Variants in SULT2B1 observed in about 807,000 individuals in gnomAD.
SULT2B1 encodes sulfotransferase family 2B member 1, also known as sulfotransferase 2B1.
SULT2B1 carries 16 observed loss-of-function variants against 33.2 expected under a neutral mutation model. That is an observed-to-expected ratio of 0.48 (90% CI 0.33 to 0.73). SULT2B1 has a LOEUF of 0.73. Among genes scored for constraint, SULT2B1 ranks in the 30% least tolerant of loss-of-function variants. SULT2B1 has a pLI of 0.02. For missense variants in SULT2B1, 500 were observed against 506.0 expected, an observed-to-expected ratio of 0.99 and a Z score of 0.11; for synonymous variants, 186 against 200.5, an observed-to-expected ratio of 0.93 and a Z score of 0.61.
chr19:48,563,608 CT>C (rs1309844131), intron 1 of SULT2B1, among the ~76,000 whole-genome samples: 2 of 152,038 alleles, frequency 1.3e-5, no homozygotes, highest in Admixed American at 6.6e-5. Flanking sequence ...CTGATGCAAT[CT>C]GTACGGTGGG....
intron 2 of SULT2B1, among the ~76,000 whole-genome samples, chr19:48,583,255 C>T (rs1314912575): frequency 6.6e-6 from 1 of 152,036 alleles, no homozygotes; most frequent in Non-Finnish European, 1.5e-5. Flanking sequence ...TAGAATGGTA[C>T]AGCTGCTATG....
chr19:48,555,549 C>CCT (rs142655043), intron 1 of SULT2B1, among the ~76,000 whole-genome samples: 17,405 of 123,870 alleles, frequency 0.14, 1,350 homozygotes, highest in African/African-American at 0.17. Context: ...CCAGAGACAT[C>CCT]CTCTCTCTCT....
chr19:48,569,362 ACATAT>A (rs1471084894), intron 1 of SULT2B1, among the ~76,000 whole-genome samples: 282 of 130,128 alleles, frequency 2.2e-3, no homozygotes, highest in South Asian at 6.6e-3. Context: ...AAAAAAAAAA[ACATAT>A]ATATATATAT....
intron 1 of SULT2B1, among the ~76,000 whole-genome samples, chr19:48,568,926 C>T (rs968453055): frequency 2.0e-5 from 3 of 152,206 alleles, no homozygotes; most frequent in African/African-American, 2.4e-5. Context: ...CCCCACACAC[C>T]GCTCCCTCTC....
intron 2 of SULT2B1, among the ~76,000 whole-genome samples, chr19:48,578,080 G>A (rs947497321): frequency 1.3e-5 from 2 of 152,126 alleles, no homozygotes; most frequent in South Asian, 2.1e-4. Context: ...AGGCGTGGTG[G>A]TGTGCGCCTG....
At chr19:48,585,624 G>A (rs1010247885) in intron 2 of SULT2B1, among the ~76,000 whole-genome samples, 8 of 150,590 alleles carry the variant, frequency 5.3e-5, no homozygotes, top group Non-Finnish European at 8.9e-5. Context: ...AGCCAAGATC[G>A]CGCCATTGCA....
At chr19:48,575,013 C>G (rs1479370675) in intron 1 of SULT2B1, among the ~76,000 whole-genome samples, 5 of 151,896 alleles carry the variant, frequency 3.3e-5, no homozygotes, top group African/African-American at 1.2e-4. Context: ...CATAAGGCCC[C>G]GTGGTGCCTG....
chr19:48,577,028 A>ATTTTTTTTTTTTTTTTTTTTTTT (rs71179012), intron 2 of SULT2B1, among the ~76,000 whole-genome samples: 1 of 92,954 alleles, frequency 1.1e-5, no homozygotes, highest in African/African-American at 4.7e-5. Flanking sequence ...ACCCCCCTCT[A>ATTTTTTTTTTTTTTTTTTTTTTT]TTTTTTTTTT....
chr19:48,584,748 T>C (rs1973540648), intron 2 of SULT2B1, among the ~76,000 whole-genome samples: 1 of 150,192 alleles, frequency 6.7e-6, no homozygotes, highest in Non-Finnish European at 1.5e-5. Context: ...CTACAAAAAT[T>C]TTAAAAATTA....
chr19:48,558,639 T>G (rs960400583), intron 1 of SULT2B1, among the ~76,000 whole-genome samples: 1 of 151,656 alleles, frequency 6.6e-6, no homozygotes, highest in East Asian at 1.9e-4. Context: ...GCCAAAGCCC[T>G]GCCAGTCATG....
intron 1 of SULT2B1, among the ~76,000 whole-genome samples, chr19:48,573,317 T>A (rs927151610): frequency 6.6e-6 from 1 of 152,054 alleles, no homozygotes; most frequent in Admixed American, 6.6e-5. Context: ...GCTGGCTTAA[T>A]TGTCCCTTTC....
rs1469256171 is a variant in SULT2B1, at chr19:48,587,121, T to A, written c.215-108T>A. 16 of 730,834 alleles carry A rather than the reference T, an allele frequency of 2.2e-5. No individual in the cohort carries two copies. In the East Asian group the frequency reaches 3.1e-4, roughly 14 times the overall value. The allele number at this position is 730,834 out of a possible 1,614,324, so 45.3% of individuals were successfully genotyped here. On this transcript the variant is annotated intron_variant, in intron 2 of 6. Transcript: ENST00000201586. ...AGTAAGACTCTGTCTTAAAAAAAAA[T>A]AATAAAAGGTGGCAAATTGCTCAAT...
intron 1 of SULT2B1, among the ~76,000 whole-genome samples, chr19:48,565,264 A>G (rs1973229987): frequency 6.6e-6 from 1 of 151,890 alleles, no homozygotes; most frequent in Non-Finnish European, 1.5e-5. Context: ...TAAGTTACAG[A>G]CATCTGAATG....
chr19:48,590,060 ACCTCTGCC>A (rs1389645263), intron 3 of SULT2B1, among the ~76,000 whole-genome samples: 1 of 151,836 alleles, frequency 6.6e-6, no homozygotes, highest in Non-Finnish European at 1.5e-5. Flanking sequence ...GCTCACTGCA[ACCTCTGCC>A]CCTCTGCCTC....
intron 2 of SULT2B1, among the ~76,000 whole-genome samples, chr19:48,586,054 T>G (rs954194900): frequency 6.6e-6 from 1 of 151,384 alleles, no homozygotes; most frequent in African/African-American, 2.4e-5. Context: ...GTATGTCTTC[T>G]AAAAATAAAA....
At chr19:48,583,807 G>A (rs201624044) in intron 2 of SULT2B1, among the ~76,000 whole-genome samples, 1 of 142,298 alleles carries the variant, frequency 7.0e-6, no homozygotes, top group Non-Finnish European at 1.5e-5. Context: ...GACAGAGCCA[G>A]ACTGTCTCAA....
intron 1 of SULT2B1, among the ~76,000 whole-genome samples, chr19:48,567,698 G>A (rs749514076): frequency 2.6e-5 from 4 of 152,060 alleles, no homozygotes; most frequent in Non-Finnish European, 5.9e-5. Context: ...GACCAGGTGC[G>A]GTGGCTCACG....
At chr19:48,572,176 C>A (rs1973339426) in intron 1 of SULT2B1, among the ~76,000 whole-genome samples, 1 of 152,104 alleles carries the variant, frequency 6.6e-6, no homozygotes, top group African/African-American at 2.4e-5. Flanking sequence ...GTGGCCCCAT[C>A]TCCTGGGGCA....
In SULT2B1 at chr19:48,553,596, G is replaced by A. The variant is rs535166145; in HGVS notation, c.71+1273G>A. Among the ~76,000 whole-genome samples, 4 of 152,006 alleles carry A rather than the reference G, an allele frequency of 2.6e-5. No homozygotes were observed. In the South Asian group the frequency reaches 6.2e-4, roughly 24 times the overall value. On this transcript the variant is annotated intron_variant, in intron 1 of 6. Transcript: ENST00000201586. ...CCAAAGTGCTGGGATTACAGGCGTG[G>A]GCCACCACGCCTGGCCGCCTCATTT...
Sources: allele counts gnomAD v4.1 joint callset (sites outside exome capture counted in the v4.1 genomes callset), GRCh38; gene constraint gnomAD v4.1.1; transcripts MANE v1.5; gene names NCBI Gene and HGNC (gene_info 2026-07-23, HGNC 2026-07-21).